BICC1: variants seen among roughly 807,000 people sequenced by gnomAD.
The protein encoded by BICC1 is BicC family RNA binding protein 1.
In BICC1, 43 loss-of-function variants were observed where a neutral mutation model predicts 111.0. That is an observed-to-expected ratio of 0.39 (90% CI 0.30 to 0.50). The LOEUF is 0.50. BICC1 is among the 20% of genes least tolerant of loss of function. BICC1 has a pLI of 0.88. For missense variants in BICC1, 1,091 were observed against 1,203.2 expected, an observed-to-expected ratio of 0.91 and a Z score of 1.38; for synonymous variants, 467 against 434.4, an observed-to-expected ratio of 1.07 and a Z score of -0.93.
chr10:58,656,651 C>G (rs990982548), intron 2 of BICC1, among the ~76,000 whole-genome samples: 1 of 152,080 alleles, frequency 6.6e-6, no homozygotes, highest in East Asian at 1.9e-4. Flanking sequence ...ATTCAGCAAC[C>G]CTTCATGTAT....
intron 2 of BICC1, among the ~76,000 whole-genome samples, chr10:58,669,956 T>A (rs1267455500): frequency 6.6e-6 from 1 of 152,174 alleles, no homozygotes; most frequent in Non-Finnish European, 1.5e-5. Context: ...AAAGTGAAGA[T>A]GTGAAGGAAA....
At chr10:58,637,522 G>A (rs1837985810) in intron 2 of BICC1, among the ~76,000 whole-genome samples, 2 of 152,304 alleles carry the variant, frequency 1.3e-5, no homozygotes, top group Admixed American at 6.5e-5. Context: ...ATTTGCCGCT[G>A]GTTCTGATGT....
chr10:58,543,997 G>A (rs1342941501), intron 1 of BICC1, among the ~76,000 whole-genome samples: 1 of 152,024 alleles, frequency 6.6e-6, no homozygotes, highest in Non-Finnish European at 1.5e-5. Context: ...CACTTGAAGA[G>A]TCATAACTGG....
At chr10:58,615,712 C>A (rs1845580500) in intron 1 of BICC1, among the ~76,000 whole-genome samples, 1 of 152,136 alleles carries the variant, frequency 6.6e-6, no homozygotes, top group Non-Finnish European at 1.5e-5. Context: ...CAGCAGGATA[C>A]TGAGGAGAGA....
At chr10:58,788,763 C>T (rs1423473618) in intron 6 of BICC1, among the ~76,000 whole-genome samples, 2 of 152,114 alleles carry the variant, frequency 1.3e-5, no homozygotes, top group African/African-American at 4.8e-5. Flanking sequence ...TAGAAACTCT[C>T]AGGTTTCACA....
intron 1 of BICC1, among the ~76,000 whole-genome samples, chr10:58,611,638 G>GATTATT (rs368536375): frequency 4.6e-5 from 7 of 151,298 alleles, no homozygotes; most frequent in Non-Finnish European, 1.0e-4. Context: ...ACCACTCCCA[G>GATTATT]ATTATTATTA....
At chr10:58,706,544 C>G (rs956796397) in intron 3 of BICC1, among the ~76,000 whole-genome samples, 1 of 152,190 alleles carries the variant, frequency 6.6e-6, no homozygotes, top group Non-Finnish European at 1.5e-5. Flanking sequence ...TGTGTCCCCA[C>G]CCAAATCTCA....
chr10:58,618,060 G>A (rs371374636), intron 1 of BICC1, among the ~76,000 whole-genome samples: 18 of 152,356 alleles, frequency 1.2e-4, no homozygotes, highest in African/African-American at 4.1e-4. Flanking sequence ...TGCCTAGGGG[G>A]TGGAATGTAA....
chr10:58,648,119 T>A (rs1005086654), intron 2 of BICC1, among the ~76,000 whole-genome samples: 1 of 152,064 alleles, frequency 6.6e-6, no homozygotes, highest in African/African-American at 2.4e-5. Context: ...TAAAAAAAAA[T>A]GCTTTGCTTT....
chr10:58,707,221 G>A (rs933673352), intron 3 of BICC1, among the ~76,000 whole-genome samples: 3 of 152,188 alleles, frequency 2.0e-5, no homozygotes, highest in Non-Finnish European at 2.9e-5. Context: ...GAAAATGTTA[G>A]CATGAGAAAA....
intron 1 of BICC1, among the ~76,000 whole-genome samples, chr10:58,549,200 G>T (rs184435616): frequency 2.0e-5 from 3 of 151,564 alleles, no homozygotes; most frequent in African/African-American, 2.4e-5. Context: ...ACAACAGTTC[G>T]TTTATACACT....
chr10:58,706,766 C>A (rs532549447), intron 3 of BICC1, among the ~76,000 whole-genome samples: 8 of 152,188 alleles, frequency 5.3e-5, no homozygotes, highest in African/African-American at 9.7e-5. Flanking sequence ...TTCCCTTCTG[C>A]CATGATTGTA....
At chr10:58,528,145 G>C (rs993980318) in intron 1 of BICC1, among the ~76,000 whole-genome samples, 2 of 151,848 alleles carry the variant, frequency 1.3e-5, no homozygotes, top group Non-Finnish European at 2.9e-5. Context: ...TGGGCTAGCG[G>C]ACCTGGCATT....
intron 1 of BICC1, among the ~76,000 whole-genome samples, chr10:58,556,583 C>CT (rs1267096761): frequency 2.6e-5 from 4 of 151,076 alleles, no homozygotes; most frequent in Non-Finnish European, 3.0e-5. Flanking sequence ...AGGCAGAAAC[C>CT]TTTTTTTTTA....
chr10:58,692,078 A>T (rs941393064), intron 2 of BICC1, among the ~76,000 whole-genome samples: 5 of 152,142 alleles, frequency 3.3e-5, no homozygotes, highest in African/African-American at 7.2e-5. Context: ...AATGAATGAG[A>T]TACAGTTGTT....
chr10:58,684,128 A>G (rs1198946777), intron 2 of BICC1, among the ~76,000 whole-genome samples: 1 of 152,116 alleles, frequency 6.6e-6, no homozygotes, highest in East Asian at 1.9e-4. Context: ...ATCTGTTGAG[A>G]TAATCGTATG....
At chr10:58,664,063 T>C (rs1474898772) in intron 2 of BICC1, among the ~76,000 whole-genome samples, 1 of 152,214 alleles carries the variant, frequency 6.6e-6, no homozygotes, top group Non-Finnish European at 1.5e-5. Context: ...ATATTTTCAC[T>C]TCTTTTGTAT....
chr10:58,740,686 A>G (rs375359526), intron 3 of BICC1, among the ~76,000 whole-genome samples: 2 of 152,222 alleles, frequency 1.3e-5, no homozygotes, highest in East Asian at 3.9e-4. Flanking sequence ...ACAGCTCCTT[A>G]GGACAGAGTT....
chr10:58,601,606 A>G (rs1029263701), intron 1 of BICC1, among the ~76,000 whole-genome samples: 6 of 152,054 alleles, frequency 3.9e-5, no homozygotes, highest in African/African-American at 9.7e-5. Flanking sequence ...AAATAGAATT[A>G]CTGGATCAAG....
Sources: gnomAD v4.1 joint callset for allele counts (sites outside exome capture counted in the v4.1 genomes callset) on GRCh38, gnomAD v4.1.1 for gene constraint, MANE v1.5 for transcripts, NCBI Gene and HGNC (gene_info 2026-07-23, HGNC 2026-07-21) for gene names.